The following DLGAP1 variants were observed in gnomAD, a reference collection of about 807,000 sequenced individuals.
The protein encoded by DLGAP1 is DLG associated protein 1.
DLGAP1 carries 11 observed loss-of-function variants against 90.8 expected under a neutral mutation model. The observed-to-expected ratio is 0.12, with a 90% CI of 0.08 to 0.20. The LOEUF is 0.20. Ranked by LOEUF, DLGAP1 falls within the 10% of genes least tolerant of loss-of-function variation. The pLI is 1.00. For missense variants in DLGAP1, 1,050 were observed against 1,333.8 expected (o/e 0.79, Z 3.31); for synonymous variants, 558 against 540.7 (o/e 1.03, Z -0.44).
At chr18:4,432,492 A>T (rs200861786) in intron 1 of DLGAP1, among the ~76,000 whole-genome samples, 1 of 151,346 alleles carries the variant, frequency 6.6e-6, no homozygotes, top group Middle Eastern at 3.2e-3. Context: ...AAATTTTTTT[A>T]AAAATTATAT....
intron 7 of DLGAP1, among the ~76,000 whole-genome samples, chr18:3,637,027 T>C (rs1466631033): frequency 6.6e-6 from 1 of 152,100 alleles, no homozygotes; most frequent in Non-Finnish European, 1.5e-5. Context: ...CCGGCCACTT[T>C]TACATGTCTT....
Position 4,454,842 on chromosome 18 carries a change from G to C in DLGAP1, c.-267+164C>G, listed in dbSNP as rs1344481906. 6.6e-6 allele frequency among the ~76,000 whole-genome samples: 1 copy of C among 151,518 alleles called. No homozygotes were observed. Among genetic ancestry groups the C allele is most frequent in the East Asian group, 2.0e-4 (1 of 5,088 alleles). On this transcript the variant is annotated intron_variant, in intron 1 of 12. Coordinates refer to ENST00000315677, the MANE Select transcript of DLGAP1 (RefSeq NM_004746.4). The surrounding 1 kb of genome is among the most constrained non-coding windows in gnomAD (Gnocchi z 4.7). ...GCACCCCGGGCGGCTGAAAGGGTAA[G>C]GAGCGCGGACTCTCGAGCCAGCGGC...
chr18:4,366,523 G>A (rs1042980630), intron 1 of DLGAP1, among the ~76,000 whole-genome samples: 3 of 151,902 alleles, frequency 2.0e-5, no homozygotes, highest in African/African-American at 7.2e-5. Flanking sequence ...TAGGGCCAGA[G>A]TACATAAACC....
At chr18:3,504,441 A>G (rs752459301) in intron 11 of DLGAP1, among the ~76,000 whole-genome samples, 3 of 152,012 alleles carry the variant, frequency 2.0e-5, no homozygotes, top group Admixed American at 6.5e-5. Flanking sequence ...CTGGAGTGCA[A>G]TGGTACAATC....
At chr18:3,605,894 ACT>A (rs1056137776) in intron 7 of DLGAP1, among the ~76,000 whole-genome samples, 5 of 152,222 alleles carry the variant, frequency 3.3e-5, no homozygotes, top group African/African-American at 1.2e-4. Context: ...TACCGAGGAC[ACT>A]GAGTGCCACT....
intron 7 of DLGAP1, among the ~76,000 whole-genome samples, chr18:3,615,164 C>T (rs187111094): frequency 7.2e-5 from 11 of 152,158 alleles, no homozygotes; most frequent in South Asian, 2.1e-4. Context: ...TCATGTGATC[C>T]GCCAGCCTCG....
At chr18:3,507,196 C>T (rs2050276572) in intron 11 of DLGAP1, among the ~76,000 whole-genome samples, 1 of 152,012 alleles carries the variant, frequency 6.6e-6, no homozygotes, top group African/African-American at 2.4e-5. Context: ...GTGGTTAAAA[C>T]TCCAAAACTG....
At chr18:3,737,963 A>C (rs1370679516) in intron 6 of DLGAP1, among the ~76,000 whole-genome samples, 3 of 150,812 alleles carry the variant, frequency 2.0e-5, no homozygotes, top group Non-Finnish European at 4.4e-5. Flanking sequence ...AATCACAAGC[A>C]TTGTTATACA....
chr18:3,656,061 A>AT, intron 7 of DLGAP1: 1 of 1,538,784 alleles, frequency 6.5e-7, no homozygotes, highest in Non-Finnish European at 8.8e-7. Context: ...AACATTATTG[A>AT]TTTTGTGGTT....
At chr18:4,018,487 G>C (rs890626425) in intron 2 of DLGAP1, among the ~76,000 whole-genome samples, 1 of 152,226 alleles carries the variant, frequency 6.6e-6, no homozygotes, top group Non-Finnish European at 1.5e-5. Context: ...CTGGCAGAAC[G>C]AGTACCTTGG....
intron 1 of DLGAP1, among the ~76,000 whole-genome samples, chr18:4,348,812 C>T (rs1222954718): frequency 6.6e-6 from 1 of 151,996 alleles, no homozygotes; most frequent in African/African-American, 2.4e-5. Context: ...TGAAGTTTAT[C>T]TCATGGAATA....
At chr18:3,510,729 G>A (rs1297010753) in intron 10 of DLGAP1, among the ~76,000 whole-genome samples, 3 of 152,174 alleles carry the variant, frequency 2.0e-5, no homozygotes, top group South Asian at 2.1e-4. Flanking sequence ...GGGAGCTATC[G>A]CAGAAACTCC....
Position 3,879,305 on chromosome 18 carries a change from T to C in DLGAP1, c.764A>G (p.Asn255Ser), listed in dbSNP as rs1286439798. The change falls in exon 4 of 13, where the codon AAC becomes AGC. Residue 255 changes from asparagine to serine, a missense_variant. By Grantham distance (46) the Asn-to-Ser change is conservative. Around this residue, in one of 2 missense-constraint regions of DLGAP1, gnomAD observed 485 missense variants for 454.1 expected, o/e 1.07. Transcript: ENST00000315677. The surrounding 1 kb of genome is among the most constrained non-coding windows in gnomAD (Gnocchi z 6.6). ...GGCGCAGGTGGAGCACTTGACGTCG[T>C]TGTTGCTCCGGGAGGCCTTCACCGC... is the stretch of plus-strand genomic sequence containing the variant. ...EQAVKASRSN[N>S]DVKCSTCANL... 6.3e-7 allele frequency: 1 copy of C among 1,597,754 alleles called. No homozygotes were observed. Among genetic ancestry groups the C allele is most frequent in the Non-Finnish European group, 8.5e-7 (1 of 1,171,670 alleles).
chr18:3,952,703 T>A (rs1395870604), intron 3 of DLGAP1, among the ~76,000 whole-genome samples: 3 of 152,246 alleles, frequency 2.0e-5, no homozygotes, highest in African/African-American at 7.2e-5. Context: ...AATGAGATTA[T>A]CTTGCATAAA....
At chr18:4,022,239 C>T (rs1269360832) in intron 2 of DLGAP1, among the ~76,000 whole-genome samples, 4 of 151,740 alleles carry the variant, frequency 2.6e-5, no homozygotes, top group Non-Finnish European at 4.4e-5. Context: ...ATTTTATTAT[C>T]GTCAATCCAC....
At chr18:4,362,337 G>A (rs2081647411) in intron 1 of DLGAP1, among the ~76,000 whole-genome samples, 2 of 152,172 alleles carry the variant, frequency 1.3e-5, no homozygotes, top group South Asian at 2.1e-4. Context: ...CGAACCAAGT[G>A]TCCATCGATG....
At chr18:4,018,309 A>G (rs1295141331) in intron 2 of DLGAP1, among the ~76,000 whole-genome samples, 2 of 152,208 alleles carry the variant, frequency 1.3e-5, no homozygotes, top group African/African-American at 4.8e-5. Context: ...AACTGGCCCA[A>G]ACTGAAGCAG....
chr18:4,381,308 T>C (rs536447359), intron 1 of DLGAP1, among the ~76,000 whole-genome samples: 2 of 152,300 alleles, frequency 1.3e-5, no homozygotes, highest in African/African-American at 4.8e-5. Context: ...ATCTGATAAC[T>C]ATTCAACAGT....
chr18:3,561,148 T>G (rs4332831), intron 9 of DLGAP1, among the ~76,000 whole-genome samples: 68,846 of 149,220 alleles, frequency 0.46, 19,878 homozygotes, highest in African/African-American at 0.77. Context: ...GGGCACACTG[T>G]CCCACGCCTA....
Sources: gnomAD v4.1 joint callset for allele counts (sites outside exome capture counted in the v4.1 genomes callset) on GRCh38, gnomAD v4.1.1 for gene constraint, gnomAD v4.1.1 regional missense constraint, Gnocchi (gnomAD v3.1) non-coding constraint, MANE v1.5 for transcripts, NCBI Gene and HGNC (gene_info 2026-07-23, HGNC 2026-07-21) for gene names.